The following PCDHA9 variants were observed in gnomAD, a reference collection of about 807,000 sequenced individuals.
PCDHA9 encodes protocadherin alpha 9.
In PCDHA9, 62 loss-of-function variants were observed where a neutral mutation model predicts 62.0. The observed-to-expected ratio is 1.00, with a 90% CI of 0.81 to 1.23. The LOEUF (loss-of-function observed/expected upper bound fraction) is 1.23, where lower values mean the gene tolerates loss of function less well. Among genes scored for constraint, PCDHA9 ranks in the 50% most tolerant of loss-of-function variants. The pLI, the probability that PCDHA9 is intolerant of heterozygous loss-of-function variation, is 0.00. For missense variants in PCDHA9, 1,205 were observed against 1,249.8 expected, an observed-to-expected ratio of 0.96 and a Z score of 0.54; for synonymous variants, 557 against 567.6, an observed-to-expected ratio of 0.98 and a Z score of 0.27.
intron 1 of PCDHA9, chr5:140,858,303 G>A: frequency 6.3e-7 from 1 of 1,597,370 alleles, no homozygotes; most frequent in South Asian, 1.1e-5. Context: ...TCGCAGCAGA[G>A]GCGGCAGAGG....
At chr5:140,940,245 T>A (rs1262681154) in intron 1 of PCDHA9, among the ~76,000 whole-genome samples, 1 of 152,210 alleles carries the variant, frequency 6.6e-6, no homozygotes, top group Non-Finnish European at 1.5e-5. Flanking sequence ...TAAAGTTACC[T>A]CCTCAATATC....
intron 1 of PCDHA9, among the ~76,000 whole-genome samples, chr5:140,963,204 AAACCTCGTGTT>A (rs2095746581): frequency 6.6e-6 from 1 of 152,104 alleles, no homozygotes; most frequent in South Asian, 2.1e-4. Context: ...ATGAAAAAAA[AAACCTCGTGTT>A]TAGAGTAGAC....
At position 140,929,086 on chromosome 5, in the gene PCDHA9, G is replaced by A. The variant is rs899611580; in HGVS notation, c.2395-49863G>A. 2.5e-6 allele frequency: 4 copies of A among 1,614,158 alleles called. No individual in the cohort carries two copies. The South Asian group carries it at 4.4e-5, about 18-fold the overall frequency. On this transcript the variant is annotated intron_variant, in intron 1 of 3. Coordinates refer to ENST00000532602, the MANE Select transcript of PCDHA9 (RefSeq NM_031857.2). ...GGATCTGAGGTATGGAAGTAAGATG[G>A]TTTCAAATCCTTGCATGACATCAGC... is the stretch of plus-strand genomic sequence containing the variant.
At chr5:140,935,486 A>C (rs1554210536) in intron 1 of PCDHA9, among the ~76,000 whole-genome samples, 1 of 152,228 alleles carries the variant, frequency 6.6e-6, no homozygotes, top group East Asian at 1.9e-4. Context: ...CTTTTCATTT[A>C]TAAGGCACAT....
intron 3 of PCDHA9, among the ~76,000 whole-genome samples, chr5:141,000,522 G>A (rs1294045842): frequency 4.2e-5 from 6 of 143,688 alleles, no homozygotes; most frequent in African/African-American, 1.6e-4. Context: ...CCTTCTCCAG[G>A]GTTCAAGTGA....
At chr5:141,005,114 G>A (rs2098198000) in intron 3 of PCDHA9, among the ~76,000 whole-genome samples, 2 of 152,042 alleles carry the variant, frequency 1.3e-5, no homozygotes, top group African/African-American at 2.4e-5. Flanking sequence ...TTGTCTTTAG[G>A]GACCCCAAAA....
At chr5:140,858,308 C>T in intron 1 of PCDHA9, 1 of 1,597,268 alleles carries the variant, frequency 6.3e-7, no homozygotes, top group Non-Finnish European at 8.6e-7. Context: ...GCAGAGGCGG[C>T]AGAGGGTGTG....
intron 1 of PCDHA9, among the ~76,000 whole-genome samples, chr5:140,918,552 A>G (rs1554198667): frequency 6.6e-6 from 1 of 152,206 alleles, no homozygotes; most frequent in Admixed American, 6.5e-5. Context: ...TGTGCAATTG[A>G]GAAGAATGTA....
chr5:140,941,820 C>T (rs2093176252), intron 1 of PCDHA9, among the ~76,000 whole-genome samples: 1 of 152,160 alleles, frequency 6.6e-6, no homozygotes, highest in Non-Finnish European at 1.5e-5. Flanking sequence ...AGGATGACTG[C>T]TGTAAATAAT....
chr5:140,855,030 G>A (rs1385138184), intron 1 of PCDHA9, among the ~76,000 whole-genome samples: 1 of 149,666 alleles, frequency 6.7e-6, no homozygotes, highest in African/African-American at 2.4e-5. Context: ...CTTGTATAAA[G>A]GATTTTTCTG....
intron 1 of PCDHA9, among the ~76,000 whole-genome samples, chr5:140,939,802 A>C (rs1347672258): frequency 6.6e-6 from 1 of 152,220 alleles, no homozygotes; most frequent in Admixed American, 6.5e-5. Context: ...AATGTTCTGC[A>C]TGTTCAAGAA....
Position 141,010,445 on chromosome 5 carries a change from A to C in PCDHA9, c.*508A>C. On this transcript the variant is annotated 3_prime_UTR_variant, in exon 4 of 4. Transcript: ENST00000532602. ...AAGGCAAGAAAACAAAGACAAATAA[A>C]CAGCGGAAGTTATCAGTATGGAGGG... 1.1e-6 allele frequency: 1 copy of C among 944,134 alleles called. No individual in the cohort carries two copies. The highest frequency in any genetic ancestry group is 1.5e-6 in the Non-Finnish European group (1 of 656,048). 58.5% of individuals were successfully genotyped at this position (944,134 alleles called of 1,614,324 possible).
chr5:140,910,924 A>G (rs568597600), intron 1 of PCDHA9, among the ~76,000 whole-genome samples: 2 of 152,260 alleles, frequency 1.3e-5, no homozygotes, highest in South Asian at 4.1e-4. Flanking sequence ...GCTTATATAA[A>G]TAAGAAAGCT....
At chr5:140,937,658 A>T (rs1045534345) in intron 1 of PCDHA9, among the ~76,000 whole-genome samples, 2 of 151,280 alleles carry the variant, frequency 1.3e-5, no homozygotes, top group Non-Finnish European at 2.9e-5. Flanking sequence ...CACGCCTGTA[A>T]TCCCAGCACT....
At chr5:140,895,351 T>C (rs1367078085) in intron 1 of PCDHA9, among the ~76,000 whole-genome samples, 2 of 152,180 alleles carry the variant, frequency 1.3e-5, no homozygotes, top group Admixed American at 1.3e-4. Context: ...TGCTTTCCAG[T>C]GAGTACTTAT....
intron 1 of PCDHA9, among the ~76,000 whole-genome samples, chr5:140,921,435 A>G (rs997660613): frequency 6.6e-6 from 1 of 152,120 alleles, no homozygotes. Context: ...ATTTTCTTCA[A>G]TGGTGTCTGA....
intron 3 of PCDHA9, among the ~76,000 whole-genome samples, chr5:140,996,644 A>G (rs2097736322): frequency 6.6e-6 from 1 of 152,144 alleles, no homozygotes; most frequent in Non-Finnish European, 1.5e-5. Flanking sequence ...TATGTAGTTA[A>G]TCCTGGGTGC....
intron 1 of PCDHA9, among the ~76,000 whole-genome samples, chr5:140,880,402 G>A (rs1014801012): frequency 3.9e-5 from 6 of 152,182 alleles, no homozygotes; most frequent in Non-Finnish European, 8.8e-5. Context: ...AGAGCATATG[G>A]TTGACCTTAA....
rs539900578 is a variant in PCDHA9, at chr5:140,868,861, T to C, written c.2394+17972T>C. Reference sequence around the variant, plus strand: ...ACACGTGAAATTCTGTGGTGGTAAATGCAGTGCACAGTACTCACAGTTTTA... The same window carrying C: ...ACACGTGAAATTCTGTGGTGGTAAACGCAGTGCACAGTACTCACAGTTTTA... On this transcript the variant is annotated intron_variant, in intron 1 of 3. Coordinates refer to ENST00000532602, the MANE Select transcript of PCDHA9 (RefSeq NM_031857.2). 7 of 525,402 alleles carry C rather than the reference T, an allele frequency of 1.3e-5. No homozygotes were observed. In the Admixed American group the frequency reaches 2.2e-4, roughly 17 times the overall value. 32.5% of individuals were successfully genotyped at this position (525,402 alleles called of 1,614,324 possible). A position where few individuals can be genotyped will look rare whatever the true frequency, so the allele number is the denominator to read the frequency against.
Sources: gnomAD v4.1 joint callset for allele counts (sites outside exome capture counted in the v4.1 genomes callset) on GRCh38, gnomAD v4.1.1 for gene constraint, MANE v1.5 for transcripts, NCBI Gene and HGNC (gene_info 2026-07-23, HGNC 2026-07-21) for gene names.